The following SLC2A9 variants were observed in gnomAD, a reference collection of about 807,000 sequenced individuals.
SLC2A9 encodes solute carrier family 2, facilitated glucose transporter member 9.
A neutral mutation model predicts 50.6 loss-of-function variants in SLC2A9; 39 were observed. The observed-to-expected ratio is 0.77, with a 90% CI of 0.60 to 1.01. The LOEUF (loss-of-function observed/expected upper bound fraction) is 1.01. Ranked by LOEUF, SLC2A9 falls within the 50% of genes least tolerant of loss-of-function variation. SLC2A9 has a pLI of 0.00. For synonymous variants in SLC2A9, 324 were observed against 276.9 expected (o/e 1.17, Z -1.69); for missense variants, 686 against 677.6 (o/e 1.01, Z -0.14).
At chr4:9,927,946 C>A (rs146657809) in intron 6 of SLC2A9, among the ~76,000 whole-genome samples, 8 of 152,166 alleles carry the variant, frequency 5.3e-5, no homozygotes, top group Admixed American at 2.0e-4. Flanking sequence ...ATTGAATTAA[C>A]CCCAATGAAT....
intron 7 of SLC2A9, among the ~76,000 whole-genome samples, chr4:9,912,983 G>C (rs1259964773): frequency 6.6e-6 from 1 of 152,242 alleles, no homozygotes; most frequent in Non-Finnish European, 1.5e-5. Flanking sequence ...AAAATGCCAT[G>C]CTGCTGACTT....
chr4:9,998,399 A>T (rs1286976081), intron 2 of SLC2A9, among the ~76,000 whole-genome samples: 1 of 152,172 alleles, frequency 6.6e-6, no homozygotes, highest in Non-Finnish European at 1.5e-5. Flanking sequence ...GGGAATGATG[A>T]CATTGACCTC....
chr4:9,946,448 C>A (rs1749172427), intron 5 of SLC2A9, among the ~76,000 whole-genome samples: 1 of 152,156 alleles, frequency 6.6e-6, no homozygotes, highest in African/African-American at 2.4e-5. Context: ...CCAATATGCT[C>A]ATGGCCCCCA....
At chr4:9,772,008 G>C (rs1250167556) in intron 1 of SLC2A9, among the ~76,000 whole-genome samples, 11 of 152,212 alleles carry the variant, frequency 7.2e-5, no homozygotes. Context: ...CCACACTGAG[G>C]AGCTGGGAAT....
intron 8 of SLC2A9, among the ~76,000 whole-genome samples, chr4:9,893,552 G>C (rs13114702): frequency 0.47 from 69,530 of 149,504 alleles, 18,824 homozygotes; most frequent in Non-Finnish European, 0.61. Context: ...GAGGCAGAGA[G>C]GGACGGAGGG....
intron 8 of SLC2A9, among the ~76,000 whole-genome samples, chr4:9,902,514 CA>C (rs537747773): frequency 3.1e-3 from 479 of 152,332 alleles, no homozygotes; most frequent in Admixed American, 8.5e-3. Context: ...GTCCCACAGA[CA>C]GAGCGGCTTC....
At chr4:9,980,468 T>C (rs1643968129) in intron 5 of SLC2A9, 124 bp downstream of exon 5, 7 of 1,299,604 alleles carry the variant, frequency 5.4e-6, no homozygotes, top group Non-Finnish European at 7.6e-6. Flanking sequence ...TCTCCAATAA[T>C]AAGTAAGAGG....
In SLC2A9 at chr4:9,905,256, C is replaced by A. The variant is rs375284712; in HGVS notation, c.1113+2979G>T. On this transcript the variant is annotated intron_variant, in intron 8 of 11. Coordinates refer to ENST00000264784, the MANE Select transcript of SLC2A9 (RefSeq NM_020041.3). ...CTCCCACACAGAGATTCCTGCACCT[C>A]TAGAACAGCAAAACATCATTTATCC... 1.1e-3 allele frequency among the ~76,000 whole-genome samples: 163 copies of A among 152,372 alleles called. 1 individual carries two copies. The highest frequency in any genetic ancestry group is 3.8e-3 in the African/African-American group (156 of 41,590).
At chr4:9,798,804 A>G (rs1577315155), downstream of SLC2A9, 1 of 152,346 alleles carries the variant, frequency 6.6e-6, no homozygotes, top group Non-Finnish European at 1.5e-5. Flanking sequence ...AATCACAGAT[A>G]ACGTGTGTGA....
intron 5 of SLC2A9, among the ~76,000 whole-genome samples, chr4:9,978,236 G>C (rs1310713266): frequency 1.3e-5 from 2 of 152,292 alleles, no homozygotes; most frequent in South Asian, 2.1e-4. Context: ...GACGTGGGCT[G>C]TACCTGATGT....
chr4:9,922,138 T>A (rs1744054152), intron 6 of SLC2A9, among the ~76,000 whole-genome samples: 1 of 152,228 alleles, frequency 6.6e-6, no homozygotes, highest in Non-Finnish European at 1.5e-5. Flanking sequence ...ATTTTCTTTA[T>A]CCAGTCTATC....
chr4:9,819,385 G>C (rs1005239774), intron 3 of SLC2A9, among the ~76,000 whole-genome samples: 3 of 152,104 alleles, frequency 2.0e-5, no homozygotes, highest in African/African-American at 7.2e-5. Context: ...CAATAGGTTT[G>C]GGATATCTCA....
rs146405701 is a variant in SLC2A9 at position 10,010,626 on chromosome 4, AT to A, written c.249+8348del. On this transcript the variant is annotated intron_variant, in intron 2 of 11. Coordinates refer to ENST00000264784, the MANE Select transcript of SLC2A9 (RefSeq NM_020041.3). ...GACGCCAGGGAAACAAATGAACAGT[AT>A]TGTTTTAGGTGACACTTTGATCTGT... is the stretch of plus-strand genomic sequence containing the variant. 5.3e-3 allele frequency among the ~76,000 whole-genome samples: 809 copies of A among 152,264 alleles called. 7 individuals are homozygous for A. Among genetic ancestry groups the A allele is most frequent in the Middle Eastern group, 0.02 (6 of 294 alleles).
At chr4:9,839,675 A>T (rs1044747825) in intron 10 of SLC2A9, among the ~76,000 whole-genome samples, 2 of 152,192 alleles carry the variant, frequency 1.3e-5, no homozygotes, top group Non-Finnish European at 2.9e-5. Context: ...TGTCCTTTGC[A>T]GGGACATGGA....
chr4:10,002,728 C>T (rs1760060435), intron 2 of SLC2A9, among the ~76,000 whole-genome samples: 1 of 152,290 alleles, frequency 6.6e-6, no homozygotes, highest in Non-Finnish European at 1.5e-5. Context: ...TGGTGCACGC[C>T]TCTAGTCCCA....
At chr4:9,783,793 G>T (rs1170354541) in intron 3 of SLC2A9, 1 of 246,976 alleles carries the variant, frequency 4.0e-6, no homozygotes. Flanking sequence ...TAAACAAATG[G>T]CTTGTTCAGT....
At position 9,892,186 on chromosome 4, in the gene SLC2A9, T is replaced by A. The variant is rs138807148; in HGVS notation, c.1114-1475A>T. ...CACTGAGGGGTGAGTGACAGCTGCC[T>A]GTCCGAAGGGCATAGCCCTGTGGGT... is the stretch of plus-strand genomic sequence containing the variant. On this transcript the variant is annotated intron_variant, in intron 8 of 11. Transcript: ENST00000264784. Among the ~76,000 whole-genome samples the A allele has an allele frequency of 3.9e-5, 6 of 152,358 alleles. No individual in the cohort carries two copies. The East Asian group carries it at 1.2e-3, about 29-fold the overall frequency.
At chr4:9,850,731 C>T (rs535146818) in intron 10 of SLC2A9, among the ~76,000 whole-genome samples, 6 of 152,258 alleles carry the variant, frequency 3.9e-5, no homozygotes, top group Admixed American at 2.0e-4. Flanking sequence ...CATCCCACAT[C>T]GCTTTGCTGG....
At chr4:10,013,939 G>C (rs1762190799) in intron 2 of SLC2A9, among the ~76,000 whole-genome samples, 1 of 152,140 alleles carries the variant, frequency 6.6e-6, no homozygotes, top group Non-Finnish European at 1.5e-5. Context: ...CCACCCCCTG[G>C]TGGCAGCCTT....
Sources: gnomAD v4.1 joint callset for allele counts (sites outside exome capture counted in the v4.1 genomes callset) on GRCh38, gnomAD v4.1.1 for gene constraint, MANE v1.5 for transcripts, NCBI Gene and HGNC (gene_info 2026-07-23, HGNC 2026-07-21) for gene names.